Variants in ABCA4 observed in about 807,000 individuals in gnomAD.
The protein encoded by ABCA4 is retinal-specific phospholipid-transporting ATPase ABCA4.
A neutral mutation model predicts 263.7 loss-of-function variants in ABCA4; 196 were observed. That is an observed-to-expected ratio of 0.74 (90% confidence interval 0.66 to 0.84). The LOEUF is 0.84. ABCA4 is among the 40% of genes least tolerant of loss of function. The pLI, the probability that ABCA4 is intolerant of heterozygous loss-of-function variation, is 0.00. For missense variants in ABCA4, 2,792 were observed against 2,855.1 expected, an observed-to-expected ratio of 0.98 and a Z score of 0.50; for synonymous variants, 1,133 against 1,094.2, an observed-to-expected ratio of 1.04 and a Z score of -0.70.
At chr1:94,097,378 G>T (rs1662151327) in intron 6 of ABCA4, among the ~76,000 whole-genome samples, 1 of 152,166 alleles carries the variant, frequency 6.6e-6, no homozygotes, top group Non-Finnish European at 1.5e-5. Flanking sequence ...CCTTCAGCTT[G>T]CTTTTTAAGA....
intron 30 of ABCA4, among the ~76,000 whole-genome samples, chr1:94,026,248 C>T (rs1478805931): frequency 1.3e-5 from 2 of 152,212 alleles, no homozygotes; most frequent in East Asian, 3.9e-4. Flanking sequence ...CTTTCCTCTT[C>T]TTTAATTCAC....
intron 42 of ABCA4, 107 bp from the exon 43 acceptor site, chr1:94,007,847 G>T: frequency 9.4e-7 from 1 of 1,068,238 alleles, no homozygotes; most frequent in Non-Finnish European, 1.4e-6. Flanking sequence ...TTTAGACCTG[G>T]GCTGCCATCA....
intron 43 of ABCA4, among the ~76,000 whole-genome samples, chr1:94,005,967 G>A (rs959629119): frequency 6.6e-6 from 1 of 152,272 alleles, no homozygotes; most frequent in Middle Eastern, 3.4e-3. Flanking sequence ...GTGTCCCGAT[G>A]GAAGTAAACT....
rs115090950 is a variant in ABCA4 at position 94,110,320 on chromosome 1, A to C, written c.302+1118T>G. Among the ~76,000 whole-genome samples the C allele has an allele frequency of 9.0e-3, 1,366 of 152,316 alleles. 22 individuals are homozygous for C. The highest frequency in any genetic ancestry group is 0.031 in the African/African-American group (1,305 of 41,568). ...AACTCTGCCATTGTAGGGCACATGC[A>C]GCCATAGTTTGTTCACAGTGGGGAA... On this transcript the variant is annotated intron_variant, in intron 3 of 49. Coordinates refer to ENST00000370225, the MANE Select transcript of ABCA4 (RefSeq NM_000350.3).
chr1:94,033,593 G>A (rs936425553), intron 26 of ABCA4, among the ~76,000 whole-genome samples: 65 of 152,288 alleles, frequency 4.3e-4, no homozygotes, highest in African/African-American at 1.5e-3. Context: ...ACTATTGCTG[G>A]ACATGGAGAG....
intron 35 of ABCA4, among the ~76,000 whole-genome samples, chr1:94,020,850 T>C (rs10493867): frequency 0.26 from 40,138 of 152,168 alleles, 5,393 homozygotes; most frequent in Middle Eastern, 0.31. Context: ...CTCCAAAGTA[T>C]GCTCTTCTGA....
intron 35 of ABCA4, among the ~76,000 whole-genome samples, chr1:94,020,246 C>A (rs1430152938): frequency 1.3e-5 from 2 of 152,158 alleles, no homozygotes; most frequent in Admixed American, 1.3e-4. Context: ...GAAAAGAGGG[C>A]AGGCAAGTTG....
At chr1:94,085,604 C>T (rs1287779299) in intron 6 of ABCA4, among the ~76,000 whole-genome samples, 1 of 152,152 alleles carries the variant, frequency 6.6e-6, no homozygotes, top group African/African-American at 2.4e-5. Context: ...CCCAACAGGC[C>T]AATCCAGTCA....
rs561509250 is a variant in ABCA4 at position 94,037,198 on chromosome 1, G to A, written c.3760C>T (p.Leu1254=). 8 of 1,614,238 alleles carry A rather than the reference G, an allele frequency of 5.0e-6. No individual in the cohort carries two copies. The African/African-American group carries it at 1.1e-4, about 22-fold the overall frequency. ...ASLFRELEET[L]ADLGLSSFGI... is the part of the protein sequence containing the mutation. ...AAACTGCTGAGACCAAGGTCAGCCA[G>A]CGTCTCCTCCAGCTCTCTGAAAAGG... Residue 1254 remains leucine (L), a synonymous_variant, in exon 25 of 50, where the codon CTG becomes TTG. Coordinates refer to ENST00000370225, the MANE Select transcript of ABCA4 (RefSeq NM_000350.3).
chr1:94,055,510 AAG>A (rs1462937236), intron 15 of ABCA4, among the ~76,000 whole-genome samples, 195 bp from the exon 16 acceptor site: 1 of 152,124 alleles, frequency 6.6e-6, no homozygotes, highest in Non-Finnish European at 1.5e-5. Flanking sequence ...CTCTGCAAAC[AAG>A]AGAGTCTCTA....
chr1:94,028,804 G>C lies in ABCA4; in HGVS notation c.4539+641C>G, dbSNP rs114767722. 7.6e-3 allele frequency among the ~76,000 whole-genome samples: 1,155 copies of C among 151,436 alleles called. 15 individuals are homozygous for C. The highest frequency in any genetic ancestry group is 0.027 in the African/African-American group (1,100 of 41,176). On this transcript the variant is annotated intron_variant, in intron 30 of 49. Coordinates refer to ENST00000370225, the MANE Select transcript of ABCA4 (RefSeq NM_000350.3). ...GCATGCCTGTAATCCCCACTACTCG[G>C]GGGGGCTGAGGCACAAGAATTGAAC...
At position 93,998,089 on chromosome 1, in the gene ABCA4, G is replaced by A; in HGVS notation, c.6501C>T (p.Val2167=). The part of the protein sequence containing the change: ...LKSKFGDGYI[V]TMKIKSPKDD... ...CCTTCGGGGATTTGATCTTCATTGT[G>A]ACGATATAGCCATCTCCAAATCTAG... The change falls in exon 48 of 50, where the codon GTC becomes GTT. Residue 2167 remains valine, a synonymous_variant. Transcript: ENST00000370225. The A allele has an allele frequency of 6.2e-7, 1 of 1,614,228 alleles. No individual in the cohort carries two copies. Among genetic ancestry groups the A allele is most frequent in the East Asian group, 2.2e-5 (1 of 44,890 alleles).
intron 11 of ABCA4, among the ~76,000 whole-genome samples, chr1:94,073,916 C>CT (rs1661470724): frequency 6.6e-6 from 1 of 152,216 alleles, no homozygotes; most frequent in South Asian, 2.1e-4. Flanking sequence ...TCCACACCCC[C>CT]TCGCACAGGT....
At chr1:94,015,116 G>A (rs1231495257) in intron 37 of ABCA4, among the ~76,000 whole-genome samples, 1 of 152,228 alleles carries the variant, frequency 6.6e-6, no homozygotes, top group African/African-American at 2.4e-5. Context: ...AGAGAAAGAT[G>A]TGGAGAACAA....
chr1:94,008,720 A>G lies in ABCA4; in HGVS notation c.5835+31T>C, dbSNP rs201682700. 53 of 1,613,840 alleles carry G rather than the reference A, an allele frequency of 3.3e-5. No individual in the cohort carries two copies. In the East Asian group the frequency reaches 8.7e-4, roughly 26 times the overall value. Reference sequence around the variant, plus strand: ...CATCATGCCAACTGTGGATCTAACCAGCACCTCCAAACTCATACCCATTCC... The same window carrying G: ...CATCATGCCAACTGTGGATCTAACCGGCACCTCCAAACTCATACCCATTCC... On this transcript the variant is annotated intron_variant, in intron 41 of 49. Coordinates refer to ENST00000370225, the MANE Select transcript of ABCA4 (RefSeq NM_000350.3).
intron 30 of ABCA4, 73 bp from the exon 31 acceptor site, chr1:94,025,121 T>C (rs1660004111): frequency 1.3e-5 from 16 of 1,239,652 alleles, no homozygotes; most frequent in Non-Finnish European, 1.9e-5. Context: ...AAACTGCTTG[T>C]TGTCTTCCAA....
At chr1:94,104,965 G>A (rs575143519) in intron 4 of ABCA4, among the ~76,000 whole-genome samples, 23 of 151,652 alleles carry the variant, frequency 1.5e-4, no homozygotes, top group East Asian at 5.8e-4. Flanking sequence ...ACACACACAC[G>A]CATGCACACA....
Position 94,021,308 on chromosome 1 carries a change from C to T in ABCA4, c.4950G>A (p.Glu1650=). ...GGCTAATGACGGTGATTCCATACTC[C>T]TCGGGGCTCCTGTCCTTAGGCAGGC... is the stretch of plus-strand genomic sequence containing the variant. ...RASLPKDRSP[E]EYGITVISQP... Residue 1650 remains glutamate, a synonymous_variant, in exon 35 of 50, where the codon GAG becomes GAA. Transcript: ENST00000370225. The T allele has an allele frequency of 6.2e-7, 1 of 1,614,176 alleles. No homozygotes were observed. Among genetic ancestry groups the T allele is most frequent in the South Asian group, 1.1e-5 (1 of 91,084 alleles).
chr1:94,021,098 G>C, intron 35 of ABCA4, 142 bp downstream of exon 35: 2 of 1,162,022 alleles, frequency 1.7e-6, no homozygotes, highest in Non-Finnish European at 2.6e-6. Flanking sequence ...GCACTTATTT[G>C]AAAGTCGGAT....
Sources: gnomAD v4.1 joint callset for allele counts (sites outside exome capture counted in the v4.1 genomes callset) on GRCh38, gnomAD v4.1.1 for gene constraint, MANE v1.5 for transcripts, NCBI Gene and HGNC (gene_info 2026-07-23, HGNC 2026-07-21) for gene names.